SLCO3A1: variants seen among roughly 807,000 people sequenced by gnomAD.
SLCO3A1 encodes the protein PGE1 transporter.
A neutral mutation model predicts 63.1 loss-of-function variants in SLCO3A1; 27 were observed. That is an observed-to-expected ratio of 0.43 (90% CI 0.32 to 0.59). The LOEUF (loss-of-function observed/expected upper bound fraction) is 0.59, where lower values mean the gene tolerates loss of function less well. SLCO3A1 is among the 20% of genes least tolerant of loss of function. SLCO3A1 has a pLI of 0.09. For missense variants in SLCO3A1, 773 were observed against 945.8 expected, an observed-to-expected ratio of 0.82 and a Z score of 2.40; for synonymous variants, 473 against 409.9, an observed-to-expected ratio of 1.15 and a Z score of -1.86.
In SLCO3A1 at chr15:92,032,398, G is replaced by A. The variant is rs186688827; in HGVS notation, c.647-62483G>A. On this transcript the variant is annotated intron_variant, in intron 2 of 9. Transcript: ENST00000318445. ...TTCAACACAGCATTCTAGGTGGAGC[G>A]AATGGCTGCAGGGAAGTCTGAGAGG... Among the ~76,000 whole-genome samples the A allele has an allele frequency of 1.5e-3, 225 of 152,214 alleles. 2 individuals are homozygous for A. The highest frequency in any genetic ancestry group is 5.2e-3 in the African/African-American group (216 of 41,534).
At chr15:92,151,161 A>G in intron 9 of SLCO3A1, 147 bp downstream of exon 9, 1 of 639,638 alleles carries the variant, frequency 1.6e-6, no homozygotes, top group Non-Finnish European at 2.6e-6. Flanking sequence ...TTAAGTCTCA[A>G]AATTTTGGTC....
At chr15:92,100,374 CT>C (rs1309471845) in intron 3 of SLCO3A1, among the ~76,000 whole-genome samples, 1 of 152,204 alleles carries the variant, frequency 6.6e-6, no homozygotes, top group African/African-American at 2.4e-5. Context: ...TGTGCCACAC[CT>C]TGACTCAGCC....
At chr15:91,962,711 G>A (rs890810849) in intron 2 of SLCO3A1, among the ~76,000 whole-genome samples, 2 of 152,048 alleles carry the variant, frequency 1.3e-5, no homozygotes, top group Admixed American at 6.6e-5. Context: ...AGGCTGTCCA[G>A]TGCACCCCAT....
intron 8 of SLCO3A1, among the ~76,000 whole-genome samples, chr15:92,148,136 A>T (rs1026778554): frequency 7.9e-5 from 12 of 152,208 alleles, no homozygotes; most frequent in African/African-American, 2.9e-4. Context: ...TAGACCCAGG[A>T]GGCGGAAGTT....
intron 2 of SLCO3A1, among the ~76,000 whole-genome samples, chr15:92,030,690 C>T (rs557708630): frequency 2.1e-4 from 32 of 152,278 alleles, no homozygotes; most frequent in Admixed American, 5.2e-4. Context: ...GGTTGAGCAA[C>T]ATGCTCTAGG....
At position 91,960,864 on chromosome 15, in the gene SLCO3A1, A is replaced by T. The variant is rs559987651; in HGVS notation, c.646+44406A>T. 5.9e-5 allele frequency among the ~76,000 whole-genome samples: 9 copies of T among 152,326 alleles called. No homozygotes were observed. In the South Asian group the frequency reaches 1.9e-3, roughly 32 times the overall value. ...AAAATCCAAAATCTGAAATGTTCCA[A>T]TGAGCATTTCCTTTGAGTGTCATGT... On this transcript the variant is annotated intron_variant, in intron 2 of 9. Coordinates refer to ENST00000318445, the MANE Select transcript of SLCO3A1 (RefSeq NM_013272.4).
intron 2 of SLCO3A1, among the ~76,000 whole-genome samples, chr15:92,009,403 C>T (rs1305974150): frequency 6.6e-6 from 1 of 152,198 alleles, no homozygotes; most frequent in Non-Finnish European, 1.5e-5. Flanking sequence ...AGGTTCTGAG[C>T]AGTACCCTGG....
chr15:92,022,409 A>G (rs2046521318), intron 2 of SLCO3A1, among the ~76,000 whole-genome samples: 2 of 152,228 alleles, frequency 1.3e-5, no homozygotes, highest in Non-Finnish European at 1.5e-5. Context: ...GGAGTCACCA[A>G]TAGAACTATT....
At chr15:92,140,612 C>T (rs543120279) in intron 7 of SLCO3A1, among the ~76,000 whole-genome samples, 1 of 152,152 alleles carries the variant, frequency 6.6e-6, no homozygotes, top group East Asian at 1.9e-4. Context: ...GTGTGGGAGT[C>T]TAATTCTCTT....
chr15:91,936,995 C>A (rs1247140026), intron 2 of SLCO3A1, among the ~76,000 whole-genome samples: 1 of 152,174 alleles, frequency 6.6e-6, no homozygotes, highest in Non-Finnish European at 1.5e-5. Context: ...CCTGTGCCCC[C>A]TGAATCTGCA....
intron 2 of SLCO3A1, among the ~76,000 whole-genome samples, chr15:91,974,265 G>GTTGTTATTATTATTATTATTATTA (rs147991710): frequency 2.8e-5 from 4 of 142,958 alleles, no homozygotes; most frequent in African/African-American, 1.0e-4. Context: ...TTTCATTATT[G>GTTGTTATTATTATTATTATTATTA]TTATTATTAT....
chr15:92,157,424 G>GCC (rs74572882), intron 9 of SLCO3A1, among the ~76,000 whole-genome samples: 4 of 149,468 alleles, frequency 2.7e-5, no homozygotes, highest in South Asian at 4.2e-4. Context: ...AGTACACCTG[G>GCC]CCCCCCCCCT....
chr15:91,877,627 A>C lies in SLCO3A1; in HGVS notation c.180+23539A>C, dbSNP rs187865067. ...CACAGCAGTGAAGAGGAAGGGAGGA[A>C]ATTTTAGGGAAGGCCTTTGGGAAGG... On this transcript the variant is annotated intron_variant, in intron 1 of 9. Coordinates refer to ENST00000318445, the MANE Select transcript of SLCO3A1 (RefSeq NM_013272.4). Among the ~76,000 whole-genome samples the C allele has an allele frequency of 3.3e-5, 5 of 152,222 alleles. No individual in the cohort carries two copies. In the East Asian group the frequency reaches 9.7e-4, roughly 29 times the overall value.
intron 2 of SLCO3A1, among the ~76,000 whole-genome samples, chr15:92,005,384 G>T (rs550656932): frequency 1.3e-5 from 2 of 152,324 alleles, no homozygotes; most frequent in South Asian, 2.1e-4. Context: ...CTTCAAGAGC[G>T]TCTGGAAAGT....
chr15:92,010,542 G>T (rs1052159772), intron 2 of SLCO3A1, among the ~76,000 whole-genome samples: 2 of 152,110 alleles, frequency 1.3e-5, no homozygotes, highest in Non-Finnish European at 2.9e-5. Flanking sequence ...ATAAATCCTT[G>T]TGCATTTTTA....
chr15:91,964,530 G>T (rs1900585008), intron 2 of SLCO3A1, among the ~76,000 whole-genome samples: 1 of 151,754 alleles, frequency 6.6e-6, no homozygotes, highest in Admixed American at 6.6e-5. Context: ...GCTATATTTA[G>T]TTCCTCCTAT....
intron 2 of SLCO3A1, among the ~76,000 whole-genome samples, chr15:92,067,191 A>G (rs1287754250): frequency 1.7e-5 from 2 of 119,138 alleles, no homozygotes; most frequent in Non-Finnish European, 3.6e-5. Flanking sequence ...AGGCCAAGGG[A>G]ATAGGAGCCC....
chr15:92,166,810 T>A (rs1161233355), downstream of SLCO3A1, among the ~76,000 whole-genome samples: 1 of 152,156 alleles, frequency 6.6e-6, no homozygotes, highest in Non-Finnish European at 1.5e-5. Flanking sequence ...GGAAAAGTAG[T>A]TTCTGGGTCC....
chr15:92,030,173 C>T (rs1275056780), intron 2 of SLCO3A1, among the ~76,000 whole-genome samples: 2 of 152,218 alleles, frequency 1.3e-5, no homozygotes, highest in Non-Finnish European at 2.9e-5. Context: ...TTTTATCCCA[C>T]AAAATGCCCC....
Sources: allele counts gnomAD v4.1 joint callset (sites outside exome capture counted in the v4.1 genomes callset), GRCh38; gene constraint gnomAD v4.1.1; transcripts MANE v1.5; gene names NCBI Gene and HGNC (gene_info 2026-07-23, HGNC 2026-07-21).